The following NKD2 variants were observed in gnomAD, a reference collection of about 807,000 sequenced individuals.
The protein encoded by NKD2 is protein naked cuticle homolog 2.
Under a neutral mutation model 34.8 loss-of-function variants are expected in NKD2, and 43 were observed. The ratio of observed to expected loss-of-function variants is 1.24; its 90% CI spans 0.97 to 1.60. The LOEUF (loss-of-function observed/expected upper bound fraction) is 1.60, where lower values mean the gene tolerates loss of function less well. Among genes scored for constraint, NKD2 ranks in the 40% most tolerant of loss-of-function variants. The pLI is 0.00. For missense variants in NKD2, 675 were observed against 627.1 expected, an observed-to-expected ratio of 1.08 and a Z score of -0.82; for synonymous variants, 278 against 265.1, an observed-to-expected ratio of 1.05 and a Z score of -0.47.
chr5:1,038,514 A>G lies in NKD2; in HGVS notation c.*141A>G. The G allele has an allele frequency of 6.7e-7, 1 of 1,501,116 alleles. No homozygotes were observed. Among genetic ancestry groups the G allele is most frequent in the Non-Finnish European group, 8.9e-7 (1 of 1,117,402 alleles). 93.0% of individuals were successfully genotyped at this position (1,501,116 alleles called of 1,614,324 possible). ...CCGACAGCAAACAGCAACTGACTGC[A>G]GGTGCTGGCATGATGGAGGTGGTGC... On this transcript the variant is annotated 3_prime_UTR_variant, in exon 10 of 10. Coordinates refer to ENST00000296849, the MANE Select transcript of NKD2 (RefSeq NM_033120.4). The surrounding 1 kb of genome is among the most constrained non-coding windows in gnomAD (Gnocchi z 4.5).
intron 3 of NKD2, among the ~76,000 whole-genome samples, chr5:1,018,338 C>G (rs1756039942): frequency 6.6e-6 from 1 of 152,198 alleles, no homozygotes; most frequent in African/African-American, 2.4e-5. Context: ...GGCTCCGAGC[C>G]CCATCCTCAC....
intron 3 of NKD2, among the ~76,000 whole-genome samples, chr5:1,011,292 A>G (rs1755741489): frequency 6.6e-6 from 1 of 152,116 alleles, no homozygotes; most frequent in Admixed American, 6.5e-5. Flanking sequence ...TGGAGACCCC[A>G]GGGCCCAGGT....
At chr5:1,016,816 C>T (rs1011463383) in intron 3 of NKD2, among the ~76,000 whole-genome samples, 1 of 152,186 alleles carries the variant, frequency 6.6e-6, no homozygotes, top group Non-Finnish European at 1.5e-5. Flanking sequence ...AGAGCCTACC[C>T]CATCCTCCTT....
At chr5:1,037,784 C>T (rs4995727) in intron 9 of NKD2, 21 bp from the exon 10 acceptor site, 4 of 1,562,374 alleles carry the variant, frequency 2.6e-6, no homozygotes, top group Non-Finnish European at 2.6e-6. Context: ...CAGGGCCTCA[C>T]ACTCTGACCT....
chr5:1,013,050 T>A lies in NKD2; in HGVS notation c.141+3490T>A, dbSNP rs371560106. On this transcript the variant is annotated intron_variant, in intron 3 of 9. Transcript: ENST00000296849. ...AGAGACAAGGCAGTGTGGACCATAC[T>A]CTGCTTGGTGCTCGGCCACGTGCCA... Among the ~76,000 whole-genome samples, 15 of 152,316 alleles carry A rather than the reference T, an allele frequency of 9.8e-5. No individual in the cohort carries two copies. In the East Asian group the frequency reaches 2.1e-3, roughly 22 times the overall value.
chr5:1,028,719 A>AG (rs1265282386), intron 3 of NKD2, among the ~76,000 whole-genome samples: 3 of 148,644 alleles, frequency 2.0e-5, no homozygotes, highest in African/African-American at 7.5e-5. Context: ...TGGGACAGGA[A>AG]GGGGGGCGGA....
chr5:1,012,458 A>G (rs1454784493), intron 3 of NKD2, among the ~76,000 whole-genome samples: 1 of 152,220 alleles, frequency 6.6e-6, no homozygotes, highest in African/African-American at 2.4e-5. Context: ...CGCCAGTCCC[A>G]TCCCCATGCC....
intron 3 of NKD2, among the ~76,000 whole-genome samples, chr5:1,024,765 C>T (rs527691957): frequency 7.7e-3 from 76 of 9,852 alleles, no homozygotes; most frequent in Non-Finnish European, 0.034. Flanking sequence ...CCTCTGTGGG[C>T]GTCTCAGCCC....
chr5:1,027,498 G>T (rs561111786), intron 3 of NKD2, among the ~76,000 whole-genome samples: 3 of 152,102 alleles, frequency 2.0e-5, no homozygotes, highest in Non-Finnish European at 4.4e-5. Flanking sequence ...CTCCCTCCCC[G>T]CTCCCTCTCC....
In NKD2 at chr5:1,011,816, G is replaced by T. The variant is rs563374697; in HGVS notation, c.141+2256G>T. Among the ~76,000 whole-genome samples the T allele has an allele frequency of 5.3e-5, 8 of 152,366 alleles. No homozygotes were observed. The South Asian group carries it at 1.7e-3, about 32-fold the overall frequency. Reference sequence around the variant, plus strand: ...CCAACAGCAGCACTTTCCCAGACAGGTGTGTCTCTGCACCCCCGACGTGGC... The same window carrying T: ...CCAACAGCAGCACTTTCCCAGACAGTTGTGTCTCTGCACCCCCGACGTGGC... On this transcript the variant is annotated intron_variant, in intron 3 of 9. Coordinates refer to ENST00000296849, the MANE Select transcript of NKD2 (RefSeq NM_033120.4).
intron 9 of NKD2, among the ~76,000 whole-genome samples, chr5:1,037,217 C>G (rs929240681): frequency 3.3e-5 from 5 of 152,164 alleles, no homozygotes; most frequent in African/African-American, 1.2e-4. Flanking sequence ...TACCAAAGCC[C>G]AGGCCACTCC....
At position 1,008,812 on chromosome 5, in the gene NKD2, G is replaced by A. The variant is rs1021894354; in HGVS notation, c.-246G>A. The A allele has an allele frequency of 7.2e-5, 16 of 221,400 alleles. No homozygotes were observed. The highest frequency in any genetic ancestry group is 1.7e-4 in the Admixed American group (3 of 17,238). 13.7% of individuals were successfully genotyped at this position (221,400 alleles called of 1,614,324 possible). A position where few individuals can be genotyped will look rare whatever the true frequency, so the allele number is the denominator to read the frequency against. ...CGGGCGCACGCGCTCAGAGGGAGCCGGGCCGCCGTCGCTGCCGCCGCTGTC... is the reference window on the plus strand; with the variant it reads ...CGGGCGCACGCGCTCAGAGGGAGCCAGGCCGCCGTCGCTGCCGCCGCTGTC... On this transcript the variant is annotated 5_prime_UTR_variant, in exon 1 of 10. Transcript: ENST00000296849.
At chr5:1,018,506 A>G (rs1756046264) in intron 3 of NKD2, among the ~76,000 whole-genome samples, 1 of 152,214 alleles carries the variant, frequency 6.6e-6, no homozygotes, top group Non-Finnish European at 1.5e-5. Context: ...GGCCTGAGAC[A>G]TGTTTTAGGT....
chr5:1,037,417 G>C (rs1734040224), intron 9 of NKD2: 1 of 1,080,108 alleles, frequency 9.3e-7, no homozygotes, highest in Admixed American at 2.2e-5. Context: ...TGGCAGTCCT[G>C]AGTCCTTCTC....
In NKD2 at chr5:1,038,043, G is replaced by C; in HGVS notation, c.1026G>C (p.Gly342=). ...CCAAGGGCTCCGGGAAGCCGCCTGG[G>C]GTGCCAGCCAGCAGCAAGTCCGGGA... is the stretch of plus-strand genomic sequence containing the variant. ...KSPKGSGKPP[G]VPASSKSGKA... The change falls in exon 10 of 10, where the codon GGG becomes GGC. Residue 342 remains glycine, a synonymous_variant. Transcript: ENST00000296849. This position sits in a 1 kb window ranked among gnomAD's most constrained non-coding sequence, Gnocchi z 4.5. 2 of 1,609,408 alleles carry C rather than the reference G, an allele frequency of 1.2e-6. No individual in the cohort carries two copies. The highest frequency in any genetic ancestry group is 2.2e-5 in the South Asian group (2 of 90,926).
chr5:1,027,446 A>G (rs1480901528), intron 3 of NKD2, among the ~76,000 whole-genome samples: 1 of 152,050 alleles, frequency 6.6e-6, no homozygotes, highest in African/African-American at 2.4e-5. Flanking sequence ...GCTGCCCGAC[A>G]CGCCCACCCA....
rs1406502468 is a variant in NKD2 at position 1,022,195 on chromosome 5, C to T, written c.142-9957C>T. On this transcript the variant is annotated intron_variant, in intron 3 of 9. Transcript: ENST00000296849. ...GCTGTGGGTGTCCCAACCCATTGTC[C>T]CTGCTCTTCCCACCCGCTGTGGGTG... Among the ~76,000 whole-genome samples the T allele has an allele frequency of 2.0e-5, 3 of 152,206 alleles. 1 individual carries two copies. In the East Asian group the frequency reaches 5.8e-4, roughly 30 times the overall value.
chr5:1,028,482 T>C (rs530559890), intron 3 of NKD2, among the ~76,000 whole-genome samples: 15 of 152,062 alleles, frequency 9.9e-5, no homozygotes, highest in Admixed American at 1.3e-4. Flanking sequence ...GCTTTCCTTA[T>C]GGGATGAGGC....
chr5:1,028,070 C>T (rs1040214461), intron 3 of NKD2, among the ~76,000 whole-genome samples: 14 of 152,162 alleles, frequency 9.2e-5, no homozygotes, highest in Admixed American at 2.0e-4. Flanking sequence ...GTTTTGTGAG[C>T]GTCTCTCCGT....
Sources: gnomAD v4.1 joint callset for allele counts (sites outside exome capture counted in the v4.1 genomes callset) on GRCh38, gnomAD v4.1.1 for gene constraint, Gnocchi (gnomAD v3.1) non-coding constraint, MANE v1.5 for transcripts, NCBI Gene and HGNC (gene_info 2026-07-23, HGNC 2026-07-21) for gene names.